Variants in APBB2 observed in about 807,000 individuals in gnomAD.
APBB2 encodes amyloid beta precursor protein binding family B member 2.
In APBB2, 38 loss-of-function variants were observed where a neutral mutation model predicts 82.5. The observed-to-expected ratio is 0.46, with a 90% CI of 0.36 to 0.60. The LOEUF (loss-of-function observed/expected upper bound fraction) is 0.60, where lower values mean the gene tolerates loss of function less well. APBB2 is among the 20% of genes least tolerant of loss of function. The pLI is 0.00. For synonymous variants in APBB2, 341 were observed against 368.2 expected (o/e 0.93, Z 0.85); for missense variants, 772 against 972.3 (o/e 0.79, Z 2.74).
At chr4:41,141,870 C>T (rs1759316445) in intron 2 of APBB2, among the ~76,000 whole-genome samples, 1 of 152,188 alleles carries the variant, frequency 6.6e-6, no homozygotes, top group African/African-American at 2.4e-5. Context: ...CCCCATAATT[C>T]AATCACCTCC....
chr4:40,989,632 A>C (rs1801463797), intron 6 of APBB2, among the ~76,000 whole-genome samples: 1 of 151,906 alleles, frequency 6.6e-6, no homozygotes, highest in Non-Finnish European at 1.5e-5. Context: ...TCTCTACTGT[A>C]CTCCAATAAA....
At chr4:40,874,190 T>G (rs907607540) in intron 12 of APBB2, among the ~76,000 whole-genome samples, 7 of 152,248 alleles carry the variant, frequency 4.6e-5, no homozygotes, top group African/African-American at 7.2e-5. Flanking sequence ...ATTACTGCAA[T>G]TGCAGGTTTA....
At chr4:40,929,944 G>C (rs1783657105) in intron 10 of APBB2, among the ~76,000 whole-genome samples, 1 of 152,154 alleles carries the variant, frequency 6.6e-6, no homozygotes, top group Non-Finnish European at 1.5e-5. Context: ...TGCCTAGACA[G>C]ATTACGGTGC....
At chr4:40,871,562 T>C (rs980488456) in intron 12 of APBB2, among the ~76,000 whole-genome samples, 5 of 152,200 alleles carry the variant, frequency 3.3e-5, no homozygotes, top group Admixed American at 2.6e-4. Flanking sequence ...TAATTTAGAA[T>C]TCATGGTTTC....
chr4:40,857,149 T>C, intron 12 of APBB2: 1 of 985,274 alleles, frequency 1.0e-6, no homozygotes, highest in Non-Finnish European at 1.2e-6. Context: ...TGCCCCGGGC[T>C]CAAGTTGAAG....
At chr4:41,028,848 A>G (rs572401260) in intron 5 of APBB2, among the ~76,000 whole-genome samples, 2 of 152,322 alleles carry the variant, frequency 1.3e-5, no homozygotes, top group African/African-American at 4.8e-5. Context: ...CTGGCCCTGT[A>G]ACTCGGACCA....
intron 12 of APBB2, among the ~76,000 whole-genome samples, chr4:40,889,922 T>G (rs1771480416): frequency 6.6e-6 from 1 of 152,168 alleles, no homozygotes; most frequent in Non-Finnish European, 1.5e-5. Flanking sequence ...AGGCTTGTGA[T>G]GAAAGGCTGT....
chr4:41,065,123 CAA>C (rs1392695848), intron 4 of APBB2, among the ~76,000 whole-genome samples: 2 of 151,186 alleles, frequency 1.3e-5, no homozygotes, highest in Admixed American at 6.6e-5. Context: ...CCCATCTCTA[CAA>C]AAAATAAACA....
intron 1 of APBB2, among the ~76,000 whole-genome samples, chr4:41,184,180 C>T (rs1042576566): frequency 5.3e-5 from 8 of 152,036 alleles, no homozygotes; most frequent in Non-Finnish European, 8.8e-5. Flanking sequence ...CCATGGGGAG[C>T]GGCTGTAAAT....
intron 12 of APBB2, among the ~76,000 whole-genome samples, chr4:40,839,675 T>C (rs1755166398): frequency 6.6e-6 from 1 of 151,948 alleles, no homozygotes; most frequent in Admixed American, 6.6e-5. Context: ...TTTTTCTTTT[T>C]TTTTTTTGAG....
rs1744510288 is a variant in APBB2, at chr4:40,811,989, C to G, written c.*4103G>C. ...AAAGGAAGTGATAAACTTCTTCGTG[C>G]TAAAATATCACAATCCTAGCAAGAC... On this transcript the variant is annotated 3_prime_UTR_variant, in exon 18 of 18. Transcript: ENST00000508593. The G allele has an allele frequency of 6.6e-6, 1 of 152,158 alleles. No individual in the cohort carries two copies. The highest frequency in any genetic ancestry group is 1.5e-5 in the Non-Finnish European group (1 of 68,030). The allele number at this position is 152,158 out of a possible 1,614,324, so 9.4% of individuals were successfully genotyped here.
At chr4:40,937,485 G>A (rs1785667678) in intron 7 of APBB2, among the ~76,000 whole-genome samples, 1 of 152,166 alleles carries the variant, frequency 6.6e-6, no homozygotes, top group Non-Finnish European at 1.5e-5. Context: ...CTCATGTTAT[G>A]GAAACATGAG....
chr4:40,998,876 G>A (rs1804358672), intron 6 of APBB2, among the ~76,000 whole-genome samples: 1 of 152,140 alleles, frequency 6.6e-6, no homozygotes, highest in Non-Finnish European at 1.5e-5. Context: ...TCATAGGCAG[G>A]ATGGGTGTGC....
chr4:40,911,061 T>G (rs977051926), intron 10 of APBB2, among the ~76,000 whole-genome samples: 4 of 152,232 alleles, frequency 2.6e-5, no homozygotes, highest in Non-Finnish European at 5.9e-5. Flanking sequence ...GACCTTCCCC[T>G]GTGTCTTGGC....
At chr4:41,053,057 G>A (rs1726634926) in intron 4 of APBB2, among the ~76,000 whole-genome samples, 1 of 152,098 alleles carries the variant, frequency 6.6e-6, no homozygotes, top group Non-Finnish European at 1.5e-5. Flanking sequence ...AGGCCACCGT[G>A]CCCAGCTGGA....
intron 1 of APBB2, among the ~76,000 whole-genome samples, chr4:41,148,747 G>C (rs1193790586): frequency 6.6e-6 from 1 of 152,088 alleles, no homozygotes; most frequent in Non-Finnish European, 1.5e-5. Flanking sequence ...TTTTAATTTT[G>C]GTTGCTTGTT....
chr4:40,994,113 C>T (rs920915571), intron 6 of APBB2, among the ~76,000 whole-genome samples: 9 of 151,824 alleles, frequency 5.9e-5, no homozygotes, highest in African/African-American at 9.7e-5. Flanking sequence ...GGTGAAGCCC[C>T]GTCTCTACTA....
chr4:41,128,382 G>A (rs1294463425), intron 2 of APBB2, among the ~76,000 whole-genome samples: 1 of 152,182 alleles, frequency 6.6e-6, no homozygotes, highest in African/African-American at 2.4e-5. Flanking sequence ...ACTTAGGACT[G>A]CCATTCAACC....
chr4:40,868,638 A>C (rs1432686425), intron 12 of APBB2, among the ~76,000 whole-genome samples: 1 of 152,222 alleles, frequency 6.6e-6, no homozygotes, highest in Admixed American at 6.5e-5. Context: ...TTGAAAATGT[A>C]TATTTAAAGA....
Sources: gnomAD v4.1 joint callset for allele counts (sites outside exome capture counted in the v4.1 genomes callset) on GRCh38, gnomAD v4.1.1 for gene constraint, MANE v1.5 for transcripts, NCBI Gene and HGNC (gene_info 2026-07-23, HGNC 2026-07-21) for gene names.